EGR3: variants seen among roughly 807,000 people sequenced by gnomAD.
The protein encoded by EGR3 is early growth response protein 3.
EGR3 carries 4 observed loss-of-function variants against 22.4 expected under a neutral mutation model. That is an observed-to-expected ratio of 0.18 (90% confidence interval 0.09 to 0.41). The LOEUF (loss-of-function observed/expected upper bound fraction) is 0.41, where lower values mean the gene tolerates loss of function less well. Among genes scored for constraint, EGR3 ranks in the 10% least tolerant of loss-of-function variants. The probability of loss-of-function intolerance (pLI) is 1.00; values close to 1 mark genes in which losing one functional copy is unlikely to be tolerated. For missense variants in EGR3, 315 were observed against 541.3 expected (o/e 0.58, Z 4.15); for synonymous variants, 219 against 226.8 (o/e 0.97, Z 0.31).
In EGR3 at chr8:22,692,723, G is replaced by T; in HGVS notation, c.154+68C>A. ...CATCCATCCATCCATCCATCACCAG[G>T]TCGTCCCCTCCTCCTCTTCCTCTCC... On this transcript the variant is annotated intron_variant, in intron 1 of 1. Coordinates refer to ENST00000317216, the MANE Select transcript of EGR3 (RefSeq NM_004430.3). This position sits in a 1 kb window ranked among gnomAD's most constrained non-coding sequence, Gnocchi z 6.2. 1 of 1,559,536 alleles carries T rather than the reference G, an allele frequency of 6.4e-7. No homozygotes were observed. Among genetic ancestry groups the T allele is most frequent in the East Asian group, 2.3e-5 (1 of 43,844 alleles).
chr8:22,688,861 C>G lies in EGR3; in HGVS notation c.*1612G>C, dbSNP rs1381151614. 2.0e-5 allele frequency: 3 copies of G among 152,600 alleles called. No individual in the cohort carries two copies. Among genetic ancestry groups the G allele is most frequent in the African/African-American group, 7.2e-5 (3 of 41,422 alleles). The allele number at this position is 152,600 out of a possible 1,614,324, so 9.5% of individuals were successfully genotyped here. A position where few individuals can be genotyped will look rare whatever the true frequency, so the allele number is the denominator to read the frequency against. On this transcript the variant is annotated 3_prime_UTR_variant, in exon 2 of 2. Transcript: ENST00000317216. ...CAGGACAGCTGGGGAAGAGGGGTGC[C>G]TGAGAAGAGGTGAGGTAGGGTGGGG...
rs953490227 is a variant in EGR3 at position 22,691,238 on chromosome 8, C to A, written c.399G>T (p.Pro133=). Residue 133 remains proline (P), a synonymous_variant, in exon 2 of 2, where the codon CCG becomes CCT. Transcript: ENST00000317216. ...QTSTASMVQP[P]QGDVEAMYPA... is the part of the protein sequence containing the mutation. The stretch of plus-strand genomic sequence containing the variant: ...GATACATGGCCTCCACGTCACCCTG[C>A]GGTGGCTGCACCATGCTGGCCGTGG... The A allele has an allele frequency of 3.7e-6, 6 of 1,613,934 alleles. No homozygotes were observed. Among genetic ancestry groups the A allele is most frequent in the Non-Finnish European group, 4.2e-6 (5 of 1,180,014 alleles).
Position 22,692,254 on chromosome 8 carries a change from C to A in EGR3, c.154+537G>T, listed in dbSNP as rs1347329338. On this transcript the variant is annotated intron_variant, in intron 1 of 1. Transcript: ENST00000317216. This position sits in a 1 kb window ranked among gnomAD's most constrained non-coding sequence, Gnocchi z 6.2. ...CCCCTCCTTCTCCCCGCCGTCCCCA[C>A]ACCCCCACGGCTTTGCTGAACGCCC... 2.7e-6 allele frequency: 4 copies of A among 1,492,768 alleles called. No homozygotes were observed. Among genetic ancestry groups the A allele is most frequent in the Non-Finnish European group, 3.5e-6 (4 of 1,127,612 alleles). 92.5% of individuals were successfully genotyped at this position (1,492,768 alleles called of 1,614,324 possible). A position where few individuals can be genotyped will look rare whatever the true frequency, so the allele number is the denominator to read the frequency against.
chr8:22,690,794 G>A lies in EGR3; in HGVS notation c.843C>T (p.Gly281=). 1 of 1,612,988 alleles carries A rather than the reference G, an allele frequency of 6.2e-7. No individual in the cohort carries two copies. The highest frequency in any genetic ancestry group is 2.2e-5 in the East Asian group (1 of 44,856). Residue 281 remains glycine, a synonymous_variant, in exon 2 of 2, where the codon GGC becomes GGT. Coordinates refer to ENST00000317216, the MANE Select transcript of EGR3 (RefSeq NM_004430.3). ...HERPHACPAE[G]CDRRFSRSDE... ...CCGAACGGCTGAAACGGCGGTCGCA[G>A]CCCTCGGCCGGGCACGCGTGGGGCC...
Position 22,690,361 on chromosome 8 carries a change from T to G in EGR3, c.*112A>C. On this transcript the variant is annotated 3_prime_UTR_variant, in exon 2 of 2. Coordinates refer to ENST00000317216, the MANE Select transcript of EGR3 (RefSeq NM_004430.3). ...GGGGAAGCAAGGGGCCGCACGTCCA[T>G]GGAGAGGCCAGGGCGCGGCCCCTAC... 1 of 868,726 alleles carries G rather than the reference T, an allele frequency of 1.2e-6. No individual in the cohort carries two copies. The highest frequency in any genetic ancestry group is 1.7e-6 in the Non-Finnish European group (1 of 578,584). 53.8% of individuals were successfully genotyped at this position (868,726 alleles called of 1,614,324 possible).
Position 22,692,323 on chromosome 8 carries a change from A to G in EGR3, c.154+468T>C. Reference sequence around the variant, plus strand: ...GTACCTCTCCCACCGCGGGGACTCCACGCCGCACATGGCTCCATCCCGGGT... The same window carrying G: ...GTACCTCTCCCACCGCGGGGACTCCGCGCCGCACATGGCTCCATCCCGGGT... On this transcript the variant is annotated intron_variant, in intron 1 of 1. Transcript: ENST00000317216. The surrounding 1 kb of genome is among the most constrained non-coding windows in gnomAD (Gnocchi z 6.2). 1 of 1,515,648 alleles carries G rather than the reference A, an allele frequency of 6.6e-7. No individual in the cohort carries two copies. The allele number at this position is 1,515,648 out of a possible 1,614,324, so 93.9% of individuals were successfully genotyped here.
In EGR3 at chr8:22,689,153, T is replaced by C. The variant is rs928127822; in HGVS notation, c.*1320A>G. On this transcript the variant is annotated 3_prime_UTR_variant, in exon 2 of 2. Transcript: ENST00000317216. ...TCATAAAAAATAAATCATTTAAAGC[T>C]GTATACGCCTACAAATTCTCTTTAT... 1 of 152,654 alleles carries C rather than the reference T, an allele frequency of 6.6e-6. No individual in the cohort carries two copies. Among genetic ancestry groups the C allele is most frequent in the Non-Finnish European group, 1.5e-5 (1 of 68,036 alleles). The allele number at this position is 152,654 out of a possible 1,614,324, so 9.5% of individuals were successfully genotyped here.
In EGR3 at chr8:22,690,519, G is replaced by A. The variant is rs1803913021; in HGVS notation, c.1118C>T (p.Ser373Leu). ...GGGGGCCAGCGACACGGGGGGCGCCGAGGATGCAGAGGGTGCACCGCCCTT... is the reference window on the plus strand; with the variant it reads ...GGGGGCCAGCGACACGGGGGGCGCCAAGGATGCAGAGGGTGCACCGCCCTT... ...AEKGGAPSAS[S>L]APPVSLAPVV... Residue 373 changes from serine to leucine, a missense_variant, in exon 2 of 2, where the codon TCG becomes TTG. Around this residue, in one of 4 missense-constraint regions of EGR3, gnomAD observed 38 missense variants for 37.5 expected, o/e 1.01. Transcript: ENST00000317216. 3.7e-6 allele frequency: 6 copies of A among 1,610,812 alleles called. No individual in the cohort carries two copies. Among genetic ancestry groups the A allele is most frequent in the Non-Finnish European group, 4.2e-6 (5 of 1,178,204 alleles).
At position 22,691,833 on chromosome 8, in the gene EGR3, C is replaced by G. The variant is rs1013517858; in HGVS notation, c.155-351G>C. ...CTGCAGCTACAGGTAGTTTCAGACC[C>G]GGAGCGCGCTGGGCTCTCGCTCTCC... On this transcript the variant is annotated intron_variant, in intron 1 of 1. Transcript: ENST00000317216. 5 of 985,284 alleles carry G rather than the reference C, an allele frequency of 5.1e-6. No individual in the cohort carries two copies. In the African/African-American group the frequency reaches 8.7e-5, roughly 17 times the overall value. 61.0% of individuals were successfully genotyped at this position (985,284 alleles called of 1,614,324 possible).
Position 22,693,065 on chromosome 8 carries a change from G to A in EGR3, c.-121C>T, listed in dbSNP as rs1395700071. ...CGTGGTGCAGGGGAAAAGCATGCGA[G>A]AGGGAAAGTTCGGGGGGAGGGGGGA... On this transcript the variant is annotated 5_prime_UTR_variant, in exon 1 of 2. Transcript: ENST00000317216. 1.9e-6 allele frequency: 2 copies of A among 1,079,872 alleles called. No homozygotes were observed. Among genetic ancestry groups the A allele is most frequent in the Non-Finnish European group, 2.5e-6 (2 of 801,070 alleles). The allele number at this position is 1,079,872 out of a possible 1,614,324, so 66.9% of individuals were successfully genotyped here.
At position 22,690,257 on chromosome 8, in the gene EGR3, G is replaced by T. The variant is rs1012506834; in HGVS notation, c.*216C>A. 1.7e-6 allele frequency: 1 copy of T among 575,250 alleles called. No homozygotes were observed. The highest frequency in any genetic ancestry group is 3.1e-6 in the Non-Finnish European group (1 of 325,848). 35.6% of individuals were successfully genotyped at this position (575,250 alleles called of 1,614,324 possible). On this transcript the variant is annotated 3_prime_UTR_variant, in exon 2 of 2. Transcript: ENST00000317216. ...GCCCCCACGCCTTGGCTAAGTGGGG[G>T]ACCGCGAGGGGAAGGCGCCTCCAGC...
At position 22,692,519 on chromosome 8, in the gene EGR3, C is replaced by T. The variant is rs888444429; in HGVS notation, c.154+272G>A. ...CCTACCTCCCTCCGGTCGGCGGCTGCCCCCACCCGGGAGAACCGAAGCCTC... is the reference window on the plus strand; with the variant it reads ...CCTACCTCCCTCCGGTCGGCGGCTGTCCCCACCCGGGAGAACCGAAGCCTC... On this transcript the variant is annotated intron_variant, in intron 1 of 1. Coordinates refer to ENST00000317216, the MANE Select transcript of EGR3 (RefSeq NM_004430.3). The surrounding 1 kb of genome is among the most constrained non-coding windows in gnomAD (Gnocchi z 6.2). 4.2e-6 allele frequency: 6 copies of T among 1,425,612 alleles called. No individual in the cohort carries two copies. Among genetic ancestry groups the T allele is most frequent in the South Asian group, 1.5e-5 (1 of 65,912 alleles). 88.3% of individuals were successfully genotyped at this position (1,425,612 alleles called of 1,614,324 possible).
chr8:22,693,173 T>C lies in EGR3; in HGVS notation c.-229A>G, dbSNP rs1348338842. 21 of 367,230 alleles carry C rather than the reference T, an allele frequency of 5.7e-5. No individual in the cohort carries two copies. In the East Asian group the frequency reaches 1.7e-3, roughly 29 times the overall value. The allele number at this position is 367,230 out of a possible 1,614,324, so 22.7% of individuals were successfully genotyped here. On this transcript the variant is annotated 5_prime_UTR_variant, in exon 1 of 2. Coordinates refer to ENST00000317216, the MANE Select transcript of EGR3 (RefSeq NM_004430.3). ...AGAGGGCCCCAGGGGGTAATCCTCT[T>C]GGGTGCCTCAGCTGGTGCGGTATGA...
In EGR3 at chr8:22,692,573, C is replaced by T. The variant is rs1266070366; in HGVS notation, c.154+218G>A. On this transcript the variant is annotated intron_variant, in intron 1 of 1. Coordinates refer to ENST00000317216, the MANE Select transcript of EGR3 (RefSeq NM_004430.3). This position sits in a 1 kb window ranked among gnomAD's most constrained non-coding sequence, Gnocchi z 6.2. ...CGTGGCGTCGCCAACCTAGCCTTCTCGATCGAGGAGGGCGGGAGGAGTGGG... is the reference window on the plus strand; with the variant it reads ...CGTGGCGTCGCCAACCTAGCCTTCTTGATCGAGGAGGGCGGGAGGAGTGGG... The T allele has an allele frequency of 1.4e-6, 2 of 1,432,082 alleles. No homozygotes were observed. The highest frequency in any genetic ancestry group is 9.1e-7 in the Non-Finnish European group (1 of 1,096,044). 88.7% of individuals were successfully genotyped at this position (1,432,082 alleles called of 1,614,324 possible).
Position 22,693,080 on chromosome 8 carries a change from G to T in EGR3, c.-136C>A. On this transcript the variant is annotated 5_prime_UTR_variant, in exon 1 of 2. Transcript: ENST00000317216. ...AAGCATGCGAGAGGGAAAGTTCGGG[G>T]GGAGGGGGGAGGGAAGAAGGGAAGG... The T allele has an allele frequency of 5.4e-6, 6 of 1,119,208 alleles. No homozygotes were observed. The highest frequency in any genetic ancestry group is 7.3e-6 in the Non-Finnish European group (6 of 823,564). The allele number at this position is 1,119,208 out of a possible 1,614,324, so 69.3% of individuals were successfully genotyped here. A position where few individuals can be genotyped will look rare whatever the true frequency, so the allele number is the denominator to read the frequency against.
rs868288651 is a variant in EGR3 at position 22,687,811 on chromosome 8, G to T, written c.*2662C>A. 1.3e-5 allele frequency: 2 copies of T among 152,556 alleles called. No individual in the cohort carries two copies. Among genetic ancestry groups the T allele is most frequent in the African/African-American group, 4.8e-5 (2 of 41,416 alleles). The allele number at this position is 152,556 out of a possible 1,614,324, so 9.5% of individuals were successfully genotyped here. ...AACATTACACCATTTCAATATTTCG[G>T]TTTTTAAAAATGCTGTTTTCATTAA... is the stretch of plus-strand genomic sequence containing the variant. On this transcript the variant is annotated 3_prime_UTR_variant, in exon 2 of 2. Coordinates refer to ENST00000317216, the MANE Select transcript of EGR3 (RefSeq NM_004430.3). This position sits in a 1 kb window ranked among gnomAD's most constrained non-coding sequence, Gnocchi z 4.7.
Position 22,692,668 on chromosome 8 carries a change from C to CCCATCCACCCATCCATCCATCCAT in EGR3, c.154+99_154+122dup, listed in dbSNP as rs1804010804. On this transcript the variant is annotated intron_variant, in intron 1 of 1. Coordinates refer to ENST00000317216, the MANE Select transcript of EGR3 (RefSeq NM_004430.3). This position sits in a 1 kb window ranked among gnomAD's most constrained non-coding sequence, Gnocchi z 6.2. ...ATCTCTCCATCCATTTATCTATCCA[C>CCCATCCACCCATCCATCCATCCAT]CCATCCACCCATCCATCCATCCATC... The CCCATCCACCCATCCATCCATCCAT allele has an allele frequency of 1.5e-5, 21 of 1,446,966 alleles. No homozygotes were observed. Among genetic ancestry groups the CCCATCCACCCATCCATCCATCCAT allele is most frequent in the Admixed American group, 2.1e-5 (1 of 47,936 alleles). 89.6% of individuals were successfully genotyped at this position (1,446,966 alleles called of 1,614,324 possible). A position where few individuals can be genotyped will look rare whatever the true frequency, so the allele number is the denominator to read the frequency against.
Position 22,688,879 on chromosome 8 carries a change from G to C in EGR3, c.*1594C>G, listed in dbSNP as rs1413757686. The stretch of plus-strand genomic sequence containing the variant: ...GGGGTGCCTGAGAAGAGGTGAGGTA[G>C]GGTGGGGAGAAGGTGAGACTGGGTA... On this transcript the variant is annotated 3_prime_UTR_variant, in exon 2 of 2. Coordinates refer to ENST00000317216, the MANE Select transcript of EGR3 (RefSeq NM_004430.3). The C allele has an allele frequency of 6.5e-6, 1 of 152,686 alleles. No individual in the cohort carries two copies. Among genetic ancestry groups the C allele is most frequent in the Non-Finnish European group, 1.5e-5 (1 of 68,048 alleles). 9.5% of individuals were successfully genotyped at this position (152,686 alleles called of 1,614,324 possible). A position where few individuals can be genotyped will look rare whatever the true frequency, so the allele number is the denominator to read the frequency against.
rs2128744291 is a variant in EGR3, at chr8:22,688,010, A to G, written c.*2463T>C. 6.5e-6 allele frequency: 1 copy of G among 152,706 alleles called. No individual in the cohort carries two copies. The highest frequency in any genetic ancestry group is 1.9e-4 in the East Asian group (1 of 5,186). The allele number at this position is 152,706 out of a possible 1,614,324, so 9.5% of individuals were successfully genotyped here. A position where few individuals can be genotyped will look rare whatever the true frequency, so the allele number is the denominator to read the frequency against. On this transcript the variant is annotated 3_prime_UTR_variant, in exon 2 of 2. Transcript: ENST00000317216. ...CATCTGGTTTGTCTTTTTTCTAAGT[A>G]CTCAACTTTATACAAAAGTCTTTCA...
Sources: gnomAD v4.1 joint callset for allele counts on GRCh38, gnomAD v4.1.1 for gene constraint, gnomAD v4.1.1 regional missense constraint, Gnocchi (gnomAD v3.1) non-coding constraint, MANE v1.5 for transcripts, NCBI Gene and HGNC (gene_info 2026-07-23, HGNC 2026-07-21) for gene names.